Variants in IL1RAPL2 observed in about 807,000 individuals in gnomAD.
The protein encoded by IL1RAPL2 is X-linked interleukin-1 receptor accessory protein-like 2.
IL1RAPL2 carries 3 observed loss-of-function variants against 44.1 expected under a neutral mutation model. That is an observed-to-expected ratio of 0.07 (90% confidence interval 0.03 to 0.18). IL1RAPL2 has a LOEUF of 0.18. Among genes scored for constraint, IL1RAPL2 ranks in the 10% least tolerant of loss-of-function variants. The pLI, the probability that IL1RAPL2 is intolerant of heterozygous loss-of-function variation, is 1.00. For missense variants in IL1RAPL2, 391 were observed against 496.4 expected (o/e 0.79, Z 2.02); for synonymous variants, 181 against 178.8 (o/e 1.01, Z -0.10).
chrX:105,543,559 GCTGTGAACTTTT>G (rs2036762761), intron 6 of IL1RAPL2, among the ~76,000 whole-genome samples: 1 of 111,781 alleles, frequency 8.9e-6, no homozygotes, highest in Non-Finnish European at 1.9e-5. Context: ...GCTGGCTGAG[GCTGTGAACTTTT>G]CTGCATAATC....
chrX:105,710,406 C>T (rs1389595803), intron 6 of IL1RAPL2, among the ~76,000 whole-genome samples: 1 of 83,978 alleles, frequency 1.2e-5, no homozygotes, highest in African/African-American at 4.6e-5. Flanking sequence ...GGATAACTAA[C>T]TCATGTCTTT....
At chrX:105,097,730 G>T (rs1474791322) in intron 2 of IL1RAPL2, among the ~76,000 whole-genome samples, 1 of 111,014 alleles carries the variant, frequency 9.0e-6, no homozygotes, top group African/African-American at 3.3e-5. Context: ...ATTTTTTATG[G>T]TTCTCTGAAT....
At chrX:105,060,379 A>T (rs989731529) in intron 2 of IL1RAPL2, among the ~76,000 whole-genome samples, 3 of 111,437 alleles carry the variant, frequency 2.7e-5, no homozygotes, top group African/African-American at 9.8e-5. Context: ...TTTATCCTTC[A>T]TTCTGTTGAT....
intron 2 of IL1RAPL2, among the ~76,000 whole-genome samples, chrX:104,887,795 C>T (rs921742291): frequency 3.6e-5 from 4 of 111,275 alleles, no homozygotes; most frequent in Non-Finnish European, 5.7e-5. Flanking sequence ...ACCTATATAC[C>T]GATGGAAGTT....
At chrX:104,890,161 G>C (rs1923381509) in intron 2 of IL1RAPL2, among the ~76,000 whole-genome samples, 1 of 112,080 alleles carries the variant, frequency 8.9e-6, no homozygotes, top group African/African-American at 3.2e-5. Flanking sequence ...GTATACTGTG[G>C]TGTATATGTC....
At chrX:105,331,608 A>G (rs1315932666) in intron 5 of IL1RAPL2, among the ~76,000 whole-genome samples, 1 of 111,550 alleles carries the variant, frequency 9.0e-6, no homozygotes, top group African/African-American at 3.3e-5. Flanking sequence ...CTTCAGACAG[A>G]TACTGACTAC....
At chrX:105,100,997 G>A (rs2032664886) in intron 2 of IL1RAPL2, among the ~76,000 whole-genome samples, 1 of 112,630 alleles carries the variant, frequency 8.9e-6, no homozygotes, top group African/African-American at 3.2e-5. Flanking sequence ...CTGTGGGCCT[G>A]CCCATGGATA....
At chrX:104,929,597 C>T (rs1924850164) in intron 2 of IL1RAPL2, among the ~76,000 whole-genome samples, 1 of 111,893 alleles carries the variant, frequency 8.9e-6, no homozygotes, top group African/African-American at 3.2e-5. Context: ...TTGTCTGACT[C>T]AAATCCAGGT....
chrX:104,988,607 A>C (rs2030604667), intron 2 of IL1RAPL2, among the ~76,000 whole-genome samples: 1 of 112,191 alleles, frequency 8.9e-6, no homozygotes, highest in Non-Finnish European at 1.9e-5. Flanking sequence ...CCAAGAAGGC[A>C]CTATGACAAT....
chrX:105,380,161 G>T (rs1483348603), intron 5 of IL1RAPL2, among the ~76,000 whole-genome samples: 1 of 111,893 alleles, frequency 8.9e-6, no homozygotes, highest in East Asian at 2.8e-4. Context: ...ATGGGAAACT[G>T]ATTGGCAGCT....
At chrX:105,173,842 C>T (rs749251529) in intron 2 of IL1RAPL2, among the ~76,000 whole-genome samples, 4 of 109,292 alleles carry the variant, frequency 3.7e-5, no homozygotes, top group Non-Finnish European at 7.6e-5. Context: ...TTGCAATTTT[C>T]GTGCCTCAGC....
intron 2 of IL1RAPL2, among the ~76,000 whole-genome samples, chrX:104,781,159 G>A (rs1456675056): frequency 9.1e-6 from 1 of 109,870 alleles, no homozygotes; most frequent in Non-Finnish European, 1.9e-5. Flanking sequence ...ACACCTTATA[G>A]AGCTACAGGT....
chrX:105,346,235 G>A (rs1396330795), intron 5 of IL1RAPL2, among the ~76,000 whole-genome samples: 2 of 111,890 alleles, frequency 1.8e-5, no homozygotes, highest in Admixed American at 9.5e-5. Flanking sequence ...TGTAAACCGG[G>A]AGTCAACAAT....
At chrX:104,932,592 C>T (rs1437338157) in intron 2 of IL1RAPL2, among the ~76,000 whole-genome samples, 1 of 111,994 alleles carries the variant, frequency 8.9e-6, no homozygotes. Context: ...CACACACACA[C>T]ACAATCATTT....
At chrX:105,162,923 C>T (rs1283933741) in intron 2 of IL1RAPL2, among the ~76,000 whole-genome samples, 3 of 111,277 alleles carry the variant, frequency 2.7e-5, no homozygotes, top group Non-Finnish European at 3.8e-5. Context: ...GGCCGCACCT[C>T]GTAATTCCAT....
intron 6 of IL1RAPL2, among the ~76,000 whole-genome samples, chrX:105,566,195 GAAAAGAGAGAGAGAGA>G (rs933045544): frequency 1.8e-5 from 2 of 110,894 alleles, no homozygotes; most frequent in African/African-American, 6.6e-5. Context: ...AGCAACCCAG[GAAAAGAGAGAGAGAGA>G]AAAAGAGAGA....
chrX:105,740,394 G>A (rs2038489757), intron 7 of IL1RAPL2, 152 bp from the exon 8 acceptor site: 3 of 420,467 alleles, frequency 7.1e-6, no homozygotes, highest in African/African-American at 5.0e-5. Flanking sequence ...GTGTTTTCTT[G>A]TAGAAGGTCC....
At chrX:104,867,757 T>C (rs988181584) in intron 2 of IL1RAPL2, among the ~76,000 whole-genome samples, 13 of 111,866 alleles carry the variant, frequency 1.2e-4, no homozygotes, top group Admixed American at 1.9e-4. Flanking sequence ...ACTGATGGAT[T>C]GGAGGGAGTA....
At position 105,293,707 on chromosome X, in the gene IL1RAPL2, G is replaced by A. The variant is rs16984692; in HGVS notation, c.697+26166G>A. On this transcript the variant is annotated intron_variant, in intron 5 of 10. Transcript: ENST00000372582. ...TTTCACTTCTTTAAAGAGAACCCTCGCACCTTGGTACAGATAATCTTTCAA... is the reference window on the plus strand; with the variant it reads ...TTTCACTTCTTTAAAGAGAACCCTCACACCTTGGTACAGATAATCTTTCAA... 1.0e-2 allele frequency among the ~76,000 whole-genome samples: 1,100 copies of A among 110,040 alleles called. 15 individuals carry two copies. Among genetic ancestry groups the A allele is most frequent in the African/African-American group, 0.034 (1,012 of 30,132 alleles).
Sources: gnomAD v4.1 joint callset for allele counts (sites outside exome capture counted in the v4.1 genomes callset) on GRCh38, gnomAD v4.1.1 for gene constraint, MANE v1.5 for transcripts, NCBI Gene and HGNC (gene_info 2026-07-23, HGNC 2026-07-21) for gene names.